The following ASB11 variants were observed in gnomAD, a reference collection of about 807,000 sequenced individuals.
ASB11 encodes ankyrin repeat and SOCS box containing 11.
In ASB11, 17 loss-of-function variants were observed where a neutral mutation model predicts 20.1. That is an observed-to-expected ratio of 0.85 (90% CI 0.58 to 1.27). The LOEUF (loss-of-function observed/expected upper bound fraction) is 1.27. ASB11 is among the 50% of genes most tolerant of loss of function. The pLI, the probability that ASB11 is intolerant of heterozygous loss-of-function variation, is 0.00. For synonymous variants in ASB11, 107 were observed against 105.6 expected (o/e 1.01, Z -0.08); for missense variants, 259 against 256.9 (o/e 1.01, Z -0.06).
intron 2 of ASB11, among the ~76,000 whole-genome samples, chrX:15,299,877 C>T (rs1921013802): frequency 9.0e-6 from 1 of 111,470 alleles, no homozygotes; most frequent in Non-Finnish European, 1.9e-5. Context: ...CCCCGAACTC[C>T]TACTTACACG....
intron 2 of ASB11, among the ~76,000 whole-genome samples, chrX:15,299,462 AG>A (rs1921004240): frequency 8.9e-6 from 1 of 111,962 alleles, no homozygotes; most frequent in South Asian, 3.7e-4. Context: ...GGTTACAATA[AG>A]GGGTTGTGGA....
rs781292147 is a variant in ASB11 at position 15,302,729 on chromosome X, T to C, written c.260A>G (p.Gln87Arg). ...RLLALKTLIA[Q>R]GVNVNLVTIN... ...GGATCAAGTCTTCAGTTCACTTACT[T>C]GTGCAATTAAAGTTTTAAGGGCCAG... Residue 87 changes from glutamine (Q) to arginine (R), a missense_variant and splice_region_variant, in exon 2 of 7, where the codon CAA becomes CGA. Transcript: ENST00000480796. 1 of 1,196,932 alleles carries C rather than the reference T, an allele frequency of 8.4e-7. No homozygotes were observed. Among genetic ancestry groups the C allele is most frequent in the Admixed American group, 2.2e-5 (1 of 45,700 alleles).
intron 2 of ASB11, among the ~76,000 whole-genome samples, chrX:15,301,331 T>A (rs73635080): frequency 0.011 from 1,243 of 112,002 alleles, 15 homozygotes; most frequent in African/African-American, 0.039. Flanking sequence ...AATAATCAAA[T>A]CACATCCAAT....
At chrX:15,289,679 A>G in intron 4 of ASB11, 41 bp from the exon 5 acceptor site, 4 of 1,170,164 alleles carry the variant, frequency 3.4e-6, no homozygotes, top group Non-Finnish European at 4.6e-6. Context: ...TAAGGGACAT[A>G]TTAAATATTA....
rs202179448 is a variant in ASB11, at chrX:15,283,575, C to T, written c.902G>A (p.Arg301Gln). Residue 301 changes from arginine to glutamine, a missense_variant, in exon 7 of 7, where the codon CGA becomes CAA. Physicochemically the swap from Arg to Gln is conservative, Grantham distance 43. Coordinates refer to ENST00000480796, the MANE Select transcript of ASB11 (RefSeq NM_080873.3). ...CRLCVRKCLG[R>Q]ACHQAIHKLH... ...CTTGTGGATGGCTTGATGACATGCT[C>T]GACCGAGACACTTCCGGACACACAG... The T allele has an allele frequency of 1.2e-5, 15 of 1,207,359 alleles. No homozygotes were observed. The highest frequency in any genetic ancestry group is 8.9e-5 in the East Asian group (3 of 33,718).
At position 15,283,514 on chromosome X, in the gene ASB11, T is replaced by C. The variant is rs750022499; in HGVS notation, c.963A>G (p.Leu321=). The C allele has an allele frequency of 5.8e-6, 7 of 1,209,233 alleles. No homozygotes were observed. In the African/African-American group the frequency reaches 1.1e-4, roughly 18 times the overall value. ...HLPEPLERFL[L]YQ ...CCAGGAACACTTAGGACTATTGGTA[T>C]AGGAGGAATCGTTCGAGTGGCTCTG... Residue 321 remains leucine, a synonymous_variant, in exon 7 of 7, where the codon CTA becomes CTG. Transcript: ENST00000480796.
In ASB11 at chrX:15,283,334, C is replaced by G. The variant is rs1927242348; in HGVS notation, c.*171G>C. On this transcript the variant is annotated 3_prime_UTR_variant, in exon 7 of 7. Transcript: ENST00000480796. ...CCCCTTGGTTAATGAGAACATTAAACTAACCAGGAGTTTCCACTCCTCAAG... is the reference window on the plus strand; with the variant it reads ...CCCCTTGGTTAATGAGAACATTAAAGTAACCAGGAGTTTCCACTCCTCAAG... 1 of 611,145 alleles carries G rather than the reference C, an allele frequency of 1.6e-6. No homozygotes were observed. The highest frequency in any genetic ancestry group is 2.4e-6 in the Non-Finnish European group (1 of 409,208). 50.4% of individuals were successfully genotyped at this position (611,145 alleles called of 1,213,427 possible). A position where few individuals can be genotyped will look rare whatever the true frequency, so the allele number is the denominator to read the frequency against.
At position 15,288,890 on chromosome X, in the gene ASB11, A is replaced by G. The variant is rs191224849; in HGVS notation, c.655+614T>C. ...ATAAGAGCGAAACTTCATCTCAAAA[A>G]AAAAAAAGATATTTCATTTTTCCAC... On this transcript the variant is annotated intron_variant, in intron 5 of 6. Transcript: ENST00000480796. 2.0e-3 allele frequency among the ~76,000 whole-genome samples: 220 copies of G among 111,552 alleles called. 4 individuals are homozygous for G. In the East Asian group the frequency reaches 0.043, roughly 22 times the overall value.
chrX:15,302,874 C>T, intron 1 of ASB11, 67 bp from the exon 2 acceptor site: 1 of 996,137 alleles, frequency 1.0e-6, no homozygotes, highest in Non-Finnish European at 1.4e-6. Flanking sequence ...CCATGCTGCC[C>T]ACCCACTGTG....
Position 15,283,597 on chromosome X carries a change from A to G in ASB11, c.880T>C (p.Cys294Arg). Residue 294 changes from cysteine to arginine, a missense_variant, in exon 7 of 7, where the codon TGT (cysteine) becomes CGT (arginine). Cys to Arg is a radical substitution (Grantham distance 180, BLOSUM62 -3). Coordinates refer to ENST00000480796, the MANE Select transcript of ASB11 (RefSeq NM_080873.3). ...PPALSQLCRL[C>R]VRKCLGRACH... ...GCTCGACCGAGACACTTCCGGACAC[A>G]CAGGCGGCAGAGCTGGGAAAGAGCA... 8.3e-7 allele frequency: 1 copy of G among 1,210,391 alleles called. No individual in the cohort carries two copies. Among genetic ancestry groups the G allele is most frequent in the Non-Finnish European group, 1.1e-6 (1 of 894,569 alleles).
chrX:15,283,968 C>T (rs910232785), intron 6 of ASB11, among the ~76,000 whole-genome samples: 1 of 111,096 alleles, frequency 9.0e-6, no homozygotes, highest in African/African-American at 3.3e-5. Context: ...AAGTGATACA[C>T]GGGGCCAGGC....
chrX:15,296,278 AAC>A (rs1555940319), intron 3 of ASB11, among the ~76,000 whole-genome samples: 2 of 110,410 alleles, frequency 1.8e-5, no homozygotes, highest in African/African-American at 3.3e-5. Context: ...AAAAAAAAAA[AAC>A]AAAAAAAGAA....
At chrX:15,300,707 C>A (rs765168306) in intron 2 of ASB11, among the ~76,000 whole-genome samples, 1 of 111,654 alleles carries the variant, frequency 9.0e-6, no homozygotes, top group East Asian at 2.8e-4. Flanking sequence ...ATGTTAACTT[C>A]GTATTTTTGA....
At chrX:15,293,875 G>A (rs1328353864) in intron 3 of ASB11, among the ~76,000 whole-genome samples, 2 of 86,731 alleles carry the variant, frequency 2.3e-5, no homozygotes, top group East Asian at 4.6e-4. Context: ...ATCACACACC[G>A]GGGACTGTTG....
At chrX:15,310,601 C>T (rs928533790) in intron 1 of ASB11, among the ~76,000 whole-genome samples, 3 of 112,365 alleles carry the variant, frequency 2.7e-5, no homozygotes, top group African/African-American at 9.7e-5. Context: ...TGTCTAAGTT[C>T]CAACCATTTG....
chrX:15,294,386 C>G (rs939958544), intron 3 of ASB11, among the ~76,000 whole-genome samples: 5 of 111,947 alleles, frequency 4.5e-5, no homozygotes, highest in African/African-American at 1.6e-4. Flanking sequence ...CAATATAACC[C>G]GTGAAACAGG....
rs749377377 is a variant in ASB11, at chrX:15,314,435, T to TA, written c.181+989dup. ...TCTTTCCATGGTCCGGACCTTCTGA[T>TA]ACGTTCTGAAACTTCACAATTCTTC... On this transcript the variant is annotated intron_variant, in intron 1 of 6. Transcript: ENST00000480796. 29 of 1,199,539 alleles carry TA rather than the reference T, an allele frequency of 2.4e-5. No individual in the cohort carries two copies. In the South Asian group the frequency reaches 4.6e-4, roughly 19 times the overall value.
Position 15,284,248 on chromosome X carries a change from C to T in ASB11, c.848-619G>A, listed in dbSNP as rs868645805. Among the ~76,000 whole-genome samples the T allele has an allele frequency of 3.4e-3, 277 of 81,297 alleles. 2 individuals carry two copies. The highest frequency in any genetic ancestry group is 0.017 in the Middle Eastern group (3 of 180). 70.6% of individuals were successfully genotyped at this position (81,297 alleles called of 115,157 possible). ...GCCTGGGCGACAGAGCGAGACTCCG[C>T]CTCAAAAAAAAAAAAAAAAAAAGAA... On this transcript the variant is annotated intron_variant, in intron 6 of 6. Coordinates refer to ENST00000480796, the MANE Select transcript of ASB11 (RefSeq NM_080873.3).
chrX:15,305,897 T>C (rs1337418248), intron 1 of ASB11, among the ~76,000 whole-genome samples: 1 of 111,284 alleles, frequency 9.0e-6, no homozygotes, highest in African/African-American at 3.3e-5. Context: ...TATCCTTTAG[T>C]TATTTTTCCT....
Sources: allele counts gnomAD v4.1 joint callset (sites outside exome capture counted in the v4.1 genomes callset), GRCh38; gene constraint gnomAD v4.1.1; transcripts MANE v1.5; gene names NCBI Gene and HGNC (gene_info 2026-07-23, HGNC 2026-07-21).